CADM2: variants seen among roughly 807,000 people sequenced by gnomAD.
CADM2 encodes cell adhesion molecule 2.
A neutral mutation model predicts 49.8 loss-of-function variants in CADM2; 12 were observed. The observed-to-expected ratio is 0.24, with a 90% CI of 0.15 to 0.39. The LOEUF (loss-of-function observed/expected upper bound fraction) is 0.39. Among genes scored for constraint, CADM2 ranks in the 10% least tolerant of loss-of-function variants. CADM2 has a pLI of 1.00. For missense variants in CADM2, 378 were observed against 492.3 expected (o/e 0.77, Z 2.20); for synonymous variants, 214 against 175.4 (o/e 1.22, Z -1.74).
Position 84,961,120 on chromosome 3 carries a change from T to A in CADM2, c.61+1452T>A, listed in dbSNP as rs185178124. ...TCCCTGGGTAAAAGGGATCTGAAAG[T>A]AAGACACACGTAGACTCACTGGCGT... is the stretch of plus-strand genomic sequence containing the variant. On this transcript the variant is annotated intron_variant, in intron 1 of 9. Coordinates refer to ENST00000383699, the MANE Select transcript of CADM2 (RefSeq NM_001167675.2). Among the ~76,000 whole-genome samples, 16 of 152,226 alleles carry A rather than the reference T, an allele frequency of 1.1e-4. No individual in the cohort carries two copies. In the East Asian group the frequency reaches 2.9e-3, roughly 28 times the overall value.
intron 8 of CADM2, among the ~76,000 whole-genome samples, chr3:86,047,153 A>G (rs1300252992): frequency 6.6e-6 from 1 of 152,132 alleles, no homozygotes; most frequent in African/African-American, 2.4e-5. Context: ...ACATAGCTCT[A>G]TTATTTCTTA....
At chr3:85,364,182 G>A (rs1251215130) in intron 1 of CADM2, among the ~76,000 whole-genome samples, 1 of 152,034 alleles carries the variant, frequency 6.6e-6, no homozygotes, top group Non-Finnish European at 1.5e-5. Context: ...GCCGTTTTAT[G>A]GCTAAATGAA....
At chr3:85,820,856 T>A (rs1209126550) in intron 3 of CADM2, among the ~76,000 whole-genome samples, 1 of 152,086 alleles carries the variant, frequency 6.6e-6, no homozygotes, top group Middle Eastern at 3.2e-3. Context: ...AACCACAGGT[T>A]AAGGAGGTGA....
chr3:85,677,136 T>A (rs897197106), intron 1 of CADM2, among the ~76,000 whole-genome samples: 2 of 152,190 alleles, frequency 1.3e-5, no homozygotes, highest in African/African-American at 4.8e-5. Flanking sequence ...TACTGATTAA[T>A]ACACTTAGGT....
chr3:85,394,075 G>A (rs567162695), intron 1 of CADM2, among the ~76,000 whole-genome samples: 2 of 152,246 alleles, frequency 1.3e-5, no homozygotes, highest in African/African-American at 4.8e-5. Context: ...GATTACAGGC[G>A]TAAGCCACCG....
intron 2 of CADM2, among the ~76,000 whole-genome samples, chr3:85,748,899 G>A (rs1466731301): frequency 6.6e-6 from 1 of 152,036 alleles, no homozygotes; most frequent in Non-Finnish European, 1.5e-5. Context: ...ATCAAAGAAG[G>A]CAGCTCAAGA....
At chr3:86,032,460 A>C (rs1423898607) in intron 8 of CADM2, among the ~76,000 whole-genome samples, 1 of 151,924 alleles carries the variant, frequency 6.6e-6, no homozygotes, top group African/African-American at 2.4e-5. Context: ...ATCAGAAAGC[A>C]ATAGCTAAAA....
At chr3:85,614,461 G>T (rs557227258) in intron 1 of CADM2, among the ~76,000 whole-genome samples, 328 of 151,798 alleles carry the variant, frequency 2.2e-3, no homozygotes, top group Admixed American at 3.5e-3. Context: ...TTAATATAAT[G>T]GGTTTAAAAA....
intron 1 of CADM2, among the ~76,000 whole-genome samples, chr3:85,505,502 G>A (rs1337027766): frequency 6.6e-6 from 1 of 152,162 alleles, no homozygotes; most frequent in East Asian, 1.9e-4. Context: ...TGGAGGTTCT[G>A]AAACATACAG....
intron 1 of CADM2, among the ~76,000 whole-genome samples, chr3:85,200,835 A>G (rs1049604738): frequency 1.3e-5 from 2 of 152,180 alleles, no homozygotes; most frequent in African/African-American, 4.8e-5. Context: ...TCCAGTTCCT[A>G]TAGCAACTTT....
At chr3:85,925,261 T>C (rs911748272) in intron 6 of CADM2, among the ~76,000 whole-genome samples, 1 of 152,284 alleles carries the variant, frequency 6.6e-6, no homozygotes, top group South Asian at 2.1e-4. Flanking sequence ...AATACTATAT[T>C]CCGATGGGTT....
chr3:85,917,245 G>A (rs547618442), intron 6 of CADM2, among the ~76,000 whole-genome samples: 12 of 152,238 alleles, frequency 7.9e-5, no homozygotes, highest in African/African-American at 2.6e-4. Flanking sequence ...CCTTGCCCAT[G>A]CCTGTGTCCT....
At chr3:85,914,472 C>T (rs1443199807) in intron 6 of CADM2, among the ~76,000 whole-genome samples, 1 of 151,912 alleles carries the variant, frequency 6.6e-6, no homozygotes, top group Non-Finnish European at 1.5e-5. Flanking sequence ...AATTGTGTAA[C>T]AATATTTTTA....
At chr3:85,934,947 A>C (rs185807121) in intron 6 of CADM2, among the ~76,000 whole-genome samples, 1 of 151,992 alleles carries the variant, frequency 6.6e-6, no homozygotes, top group African/African-American at 2.4e-5. Context: ...CAATGCCAGG[A>C]CTAGCAAAGC....
At chr3:85,997,163 A>G (rs974407591) in intron 8 of CADM2, among the ~76,000 whole-genome samples, 4 of 152,256 alleles carry the variant, frequency 2.6e-5, no homozygotes, top group Non-Finnish European at 2.9e-5. Context: ...TTAGGTGTTC[A>G]AAAACTAAAG....
chr3:85,073,034 A>C (rs1185766152), intron 1 of CADM2, among the ~76,000 whole-genome samples: 1 of 152,168 alleles, frequency 6.6e-6, no homozygotes, highest in Non-Finnish European at 1.5e-5. Context: ...TATTTTGACT[A>C]TCTTACTTCT....
At chr3:85,716,407 C>T (rs773963444) in intron 1 of CADM2, among the ~76,000 whole-genome samples, 14 of 152,050 alleles carry the variant, frequency 9.2e-5, no homozygotes, top group Non-Finnish European at 1.6e-4. Context: ...GATATTAGAC[C>T]TTTGTCAGAT....
chr3:85,322,822 G>A (rs1171200661), intron 1 of CADM2, among the ~76,000 whole-genome samples: 1 of 152,174 alleles, frequency 6.6e-6, no homozygotes, highest in Non-Finnish European at 1.5e-5. Context: ...ATCATTCAGA[G>A]AGCAGAAACT....
intron 1 of CADM2, among the ~76,000 whole-genome samples, chr3:85,286,016 G>C (rs936394487): frequency 6.6e-6 from 1 of 152,088 alleles, no homozygotes; most frequent in African/African-American, 2.4e-5. Flanking sequence ...TGACTTTGAA[G>C]GCTTCTCTAG....
Sources: allele counts gnomAD v4.1 joint callset (sites outside exome capture counted in the v4.1 genomes callset), GRCh38; gene constraint gnomAD v4.1.1; transcripts MANE v1.5; gene names NCBI Gene and HGNC (gene_info 2026-07-23, HGNC 2026-07-21).